Variants in C5 observed in about 807,000 individuals in gnomAD.
C5 encodes C3 and PZP-like alpha-2-macroglobulin domain-containing protein 4.
A neutral mutation model predicts 218.8 loss-of-function variants in C5; 140 were observed. The ratio of observed to expected loss-of-function variants is 0.64; its 90% CI spans 0.56 to 0.74. The LOEUF is 0.74. Among genes scored for constraint, C5 ranks in the 30% least tolerant of loss-of-function variants. C5 has a pLI of 0.00. For missense variants in C5, 1,700 were observed against 1,969.6 expected, an observed-to-expected ratio of 0.86 and a Z score of 2.59; for synonymous variants, 614 against 682.3, an observed-to-expected ratio of 0.90 and a Z score of 1.56.
At chr9:120,997,463 ACACTATTGTTTCTCTCC>A (rs2047125902) in intron 21 of C5, 67 bp downstream of exon 21, 3 of 1,030,038 alleles carry the variant, frequency 2.9e-6, no homozygotes, top group Non-Finnish European at 4.4e-6. Context: ...CGTTAAATTT[ACACTATTGTTTCTCTCC>A]CCCCCCTTTC....
intron 31 of C5, 87 bp from the exon 32 acceptor site, chr9:120,970,338 G>GA (rs1268216792): frequency 2.4e-6 from 2 of 827,884 alleles, no homozygotes; most frequent in Admixed American, 3.7e-5. Context: ...CTGCAGATGG[G>GA]ATGCTCGAAG....
chr9:121,045,198 A>G (rs2047616759), intron 2 of C5, among the ~76,000 whole-genome samples: 1 of 152,166 alleles, frequency 6.6e-6, no homozygotes, highest in African/African-American at 2.4e-5. Context: ...TGCTAAGAAC[A>G]TTAAAGAATT....
At chr9:121,026,487 G>A (rs1371750279) in intron 8 of C5, among the ~76,000 whole-genome samples, 1 of 152,150 alleles carries the variant, frequency 6.6e-6, no homozygotes, top group Admixed American at 6.5e-5. Context: ...GTAAAGAAGG[G>A]TTTCTCAACC....
chr9:121,022,824 A>G (rs1004220904), intron 10 of C5, among the ~76,000 whole-genome samples: 2 of 152,016 alleles, frequency 1.3e-5, no homozygotes, highest in Admixed American at 1.3e-4. Flanking sequence ...TGAAAGAGAG[A>G]AAAATGAATG....
intron 20 of C5, among the ~76,000 whole-genome samples, chr9:121,004,224 T>C (rs932892349): frequency 3.3e-5 from 5 of 152,062 alleles, no homozygotes; most frequent in Admixed American, 2.6e-4. Context: ...TTTAGAAATA[T>C]GTTATTTTAT....
In C5 at chr9:120,963,694, G is replaced by A. The variant is rs753247621; in HGVS notation, c.4265C>T (p.Ala1422Val). 7 of 1,613,504 alleles carry A rather than the reference G, an allele frequency of 4.3e-6. No homozygotes were observed. The highest frequency in any genetic ancestry group is 1.3e-5 in the African/African-American group (1 of 74,856). Reference sequence around the variant, plus strand: ...AGTAGGCAAGGAGATGTCCATCACCGCATGAGAGGATCCAGATGATGATTC... The same window carrying A: ...AGTAGGCAAGGAGATGTCCATCACCACATGAGAGGATCCAGATGATGATTC... ...REESSSGSSH[A>V]VMDISLPTGI... The change falls in exon 34 of 41, where the codon GCG (alanine) becomes GTG (valine). Residue 1422 changes from alanine (A) to valine (V), a missense_variant. Physicochemically the swap from Ala to Val is moderately conservative, Grantham distance 64. Transcript: ENST00000223642.
rs748810050 is a variant in C5 at position 120,952,752 on chromosome 9, A to G, written c.5018T>C (p.Leu1673Ser). ...NLDEFAEDIF[L>S]NGC ...ACTTCAGGAATTTTAGCATCCATTT[A>G]AAAAGATATCTTCGGCAAATTCATC... The change falls in exon 41 of 41, where the codon TTA (leucine) becomes TCA (serine). Residue 1673 changes from leucine to serine, a missense_variant. By Grantham distance (145) the Leu-to-Ser change is moderately radical. Coordinates refer to ENST00000223642, the MANE Select transcript of C5 (RefSeq NM_001735.3). 6.2e-7 allele frequency: 1 copy of G among 1,613,240 alleles called. No homozygotes were observed.
intron 23 of C5, among the ~76,000 whole-genome samples, chr9:120,990,576 C>T (rs531797754): frequency 6.6e-6 from 1 of 152,208 alleles, no homozygotes; most frequent in Admixed American, 6.5e-5. Flanking sequence ...AAGTTCTTCA[C>T]CCCTTTTTGC....
At chr9:120,989,824 C>T (rs555556626) in intron 23 of C5, 44 bp from the exon 24 acceptor site, 12 of 1,446,276 alleles carry the variant, frequency 8.3e-6, no homozygotes, top group Middle Eastern at 1.7e-4. Flanking sequence ...TTTTTATTAA[C>T]TTCTAACAGT....
chr9:121,037,739 T>C (rs2047540932), intron 4 of C5, 142 bp downstream of exon 4: 1 of 487,676 alleles, frequency 2.1e-6, no homozygotes, highest in African/African-American at 1.9e-5. Context: ...TATAGATCTA[T>C]GATTCTATAC....
chr9:121,010,851 A>C (rs1282068152), intron 17 of C5, among the ~76,000 whole-genome samples: 4 of 152,188 alleles, frequency 2.6e-5, no homozygotes, highest in Non-Finnish European at 5.9e-5. Flanking sequence ...CATTTTTGAC[A>C]AAGGTGCCAA....
intron 7 of C5, among the ~76,000 whole-genome samples, chr9:121,029,909 C>T (rs1564159441): frequency 6.6e-6 from 1 of 152,196 alleles, no homozygotes; most frequent in Non-Finnish European, 1.5e-5. Context: ...GACCAGCCAG[C>T]CCCCAGCTGA....
intron 11 of C5, among the ~76,000 whole-genome samples, chr9:121,021,278 A>G (rs1046823034): frequency 1.3e-5 from 2 of 152,222 alleles, no homozygotes; most frequent in Non-Finnish European, 2.9e-5. Context: ...TTAACGGTGT[A>G]AGATAAAACA....
chr9:121,051,442 T>C (rs961062739), upstream of C5, among the ~76,000 whole-genome samples: 4 of 152,234 alleles, frequency 2.6e-5, no homozygotes, highest in South Asian at 2.1e-4. Flanking sequence ...ATTAAGTTAA[T>C]TTTTATGATG....
intron 7 of C5, among the ~76,000 whole-genome samples, chr9:121,030,120 A>G (rs2131795517): frequency 6.6e-6 from 1 of 152,300 alleles, no homozygotes; most frequent in Non-Finnish European, 1.5e-5. Flanking sequence ...CAATATTCTA[A>G]GTTACCCTAG....
At chr9:120,972,908 G>A (rs1439913255) in intron 30 of C5, among the ~76,000 whole-genome samples, 1 of 152,172 alleles carries the variant, frequency 6.6e-6, no homozygotes, top group Non-Finnish European at 1.5e-5. Flanking sequence ...GAAAACAGGT[G>A]TCTTGAGATA....
At chr9:121,025,417 T>TAC in intron 9 of C5, 37 bp downstream of exon 9, 9 of 191,110 alleles carry the variant, frequency 4.7e-5, no homozygotes, top group Non-Finnish European at 6.3e-5. Flanking sequence ...CAAAAGAAAG[T>TAC]ATACACACAC....
intron 30 of C5, 90 bp from the exon 31 acceptor site, chr9:120,972,082 C>T (rs886593524): frequency 1.0e-6 from 1 of 974,710 alleles, no homozygotes; most frequent in Non-Finnish European, 1.6e-6. Context: ...TTGACATGTA[C>T]CAGCCTCCTC....
At chr9:121,068,611 C>A in the C5 span, among the ~76,000 whole-genome samples, 1 of 152,078 alleles carries the variant, frequency 6.6e-6, no homozygotes, top group Non-Finnish European at 1.5e-5. Flanking sequence ...ATTTTCTTCA[C>A]AGAAATAGGA....
Sources: gnomAD v4.1 joint callset for allele counts (sites outside exome capture counted in the v4.1 genomes callset) on GRCh38, gnomAD v4.1.1 for gene constraint, MANE v1.5 for transcripts, NCBI Gene and HGNC (gene_info 2026-07-23, HGNC 2026-07-21) for gene names.